The following ERICH3 variants were observed in gnomAD, a reference collection of about 807,000 sequenced individuals.
The protein encoded by ERICH3 is glutamate-rich protein 3.
A neutral mutation model predicts 131.1 loss-of-function variants in ERICH3; 126 were observed. The observed-to-expected ratio is 0.96, with a 90% CI of 0.83 to 1.11. The LOEUF is 1.11. Among genes scored for constraint, ERICH3 ranks in the 50% most tolerant of loss-of-function variants. The probability of loss-of-function intolerance (pLI) is 0.00; values close to 1 mark genes in which losing one functional copy is unlikely to be tolerated. For synonymous variants in ERICH3, 695 were observed against 644.6 expected (o/e 1.08, Z -1.18); for missense variants, 2,050 against 1,810.7 (o/e 1.13, Z -2.40).
intron 1 of ERICH3, among the ~76,000 whole-genome samples, chr1:74,652,871 T>C (rs770798528): frequency 6.6e-6 from 1 of 152,100 alleles, no homozygotes; most frequent in South Asian, 2.1e-4. Flanking sequence ...CATCCCCTGG[T>C]CACTAGGTGG....
At chr1:74,673,964 A>T (rs987659955), upstream of ERICH3, among the ~76,000 whole-genome samples, 1 of 152,106 alleles carries the variant, frequency 6.6e-6, no homozygotes, top group African/African-American at 2.4e-5. Context: ...AGGCACACCC[A>T]CACATTTTGG....
At chr1:74,614,483 T>C (rs1648862620) in intron 8 of ERICH3, among the ~76,000 whole-genome samples, 1 of 151,382 alleles carries the variant, frequency 6.6e-6, no homozygotes, top group Non-Finnish European at 1.5e-5. Flanking sequence ...GAGACCATCC[T>C]GGCTAACACG....
chr1:74,638,182 C>A (rs1646408432), intron 5 of ERICH3, among the ~76,000 whole-genome samples: 1 of 152,096 alleles, frequency 6.6e-6, no homozygotes, highest in African/African-American at 2.4e-5. Flanking sequence ...TACCAAAAAC[C>A]AGCCTTAGAA....
chr1:74,596,639 C>A (rs1408630764), intron 11 of ERICH3, among the ~76,000 whole-genome samples: 1 of 152,084 alleles, frequency 6.6e-6, no homozygotes, highest in East Asian at 1.9e-4. Context: ...ATCATCCAAA[C>A]TGTCCATAAA....
At chr1:74,613,575 A>G (rs1648806228) in intron 8 of ERICH3, among the ~76,000 whole-genome samples, 1 of 152,200 alleles carries the variant, frequency 6.6e-6, no homozygotes, top group Non-Finnish European at 1.5e-5. Flanking sequence ...AATATTCTAA[A>G]ACATACATGA....
Position 74,582,566 on chromosome 1 carries a change from A to G in ERICH3, c.2177-5630T>C, listed in dbSNP as rs1466121799. ...CCCTAAAAGTCGATTTATAGCCTTC[A>G]TATCACTTGCTGCTATGTTAATGTA... On this transcript the variant is annotated intron_variant, in intron 12 of 14. Coordinates refer to ENST00000326665, the MANE Select transcript of ERICH3 (RefSeq NM_001002912.5). 3.3e-5 allele frequency among the ~76,000 whole-genome samples: 5 copies of G among 152,196 alleles called. 1 individual carries two copies. The South Asian group carries it at 6.2e-4, about 19-fold the overall frequency.
Position 74,649,303 on chromosome 1 carries a change from T to G in ERICH3, c.36A>C (p.Ala12=). ...SHSHPAGLLA[A]YNSLMDKHLA... ...GGTGTTTATCCATAAGGCTATTATA[T>G]GCAGCAAGTAACCTAAAATACAAAA... The change falls in exon 2 of 15, where the codon GCA becomes GCC. Residue 12 remains alanine (A), a synonymous_variant. Transcript: ENST00000326665. 2 of 1,611,314 alleles carry G rather than the reference T, an allele frequency of 1.2e-6. No individual in the cohort carries two copies. Among genetic ancestry groups the G allele is most frequent in the African/African-American group, 1.3e-5 (1 of 74,910 alleles).
At chr1:74,590,973 TA>T (rs1255731035) in intron 11 of ERICH3, among the ~76,000 whole-genome samples, 1 of 152,170 alleles carries the variant, frequency 6.6e-6, no homozygotes, top group Non-Finnish European at 1.5e-5. Flanking sequence ...AAGCTTTTTT[TA>T]AAAAAATTTA....
chr1:74,631,762 C>T lies in ERICH3; in HGVS notation c.770G>A (p.Arg257Lys). The change falls in exon 7 of 15, where the codon AGA becomes AAA. Residue 257 changes from arginine to lysine, a missense_variant. Coordinates refer to ENST00000326665, the MANE Select transcript of ERICH3 (RefSeq NM_001002912.5). ...ATTTGGAGCAGTGGTTGGACGAAAT[C>T]TTCTCCTTCTCCATGTTTCAGATCT... Reference protein sequence around the residue: ...ENRSETWRRRRFRPTTAPNGL... With the variant: ...ENRSETWRRRKFRPTTAPNGL... 2 of 1,613,554 alleles carry T rather than the reference C, an allele frequency of 1.2e-6. No individual in the cohort carries two copies. The highest frequency in any genetic ancestry group is 1.1e-5 in the South Asian group (1 of 91,062).
chr1:74,590,791 C>T (rs1035494179), intron 11 of ERICH3, among the ~76,000 whole-genome samples: 1 of 152,092 alleles, frequency 6.6e-6, no homozygotes, highest in Non-Finnish European at 1.5e-5. Flanking sequence ...TAAGGAAAAC[C>T]TATCAAATCA....
chr1:74,606,079 C>T (rs1648379036), intron 10 of ERICH3, among the ~76,000 whole-genome samples: 1 of 150,636 alleles, frequency 6.6e-6, no homozygotes, highest in South Asian at 2.1e-4. Context: ...CAGTGGAAGG[C>T]AGGAGAGAGG....
At position 74,573,332 on chromosome 1, in the gene ERICH3, C is replaced by G. The variant is rs764527597; in HGVS notation, c.2378G>C (p.Gly793Ala). 1 of 1,609,236 alleles carries G rather than the reference C, an allele frequency of 6.2e-7. No individual in the cohort carries two copies. The highest frequency in any genetic ancestry group is 1.7e-5 in the Admixed American group (1 of 59,002). ...HRDADIVQGK[G>A]EAALWGEAGA... is the part of the protein sequence containing the mutation. ...TGCTTCTCCCCACAGTGCTGCCTCCCCTTTTCCCTGTACTATGTCAGCATC... is the reference window on the plus strand; with the variant it reads ...TGCTTCTCCCCACAGTGCTGCCTCCGCTTTTCCCTGTACTATGTCAGCATC... The change falls in exon 14 of 15, where the codon GGG (glycine) becomes GCG (alanine). Residue 793 changes from glycine to alanine, a missense_variant. Physicochemically the swap from Gly to Ala is moderately conservative, Grantham distance 60. Transcript: ENST00000326665.
At chr1:74,581,249 C>G (rs1441076597) in intron 12 of ERICH3, among the ~76,000 whole-genome samples, 1 of 152,080 alleles carries the variant, frequency 6.6e-6, no homozygotes, top group African/African-American at 2.4e-5. Flanking sequence ...TATCATATTT[C>G]TTTTTCATCT....
chr1:74,620,603 A>C, intron 8 of ERICH3, 131 bp downstream of exon 8: 1 of 703,310 alleles, frequency 1.4e-6, no homozygotes, highest in Non-Finnish European at 2.2e-6. Flanking sequence ...ACTTTTAGGC[A>C]GCTGGTTTAT....
chr1:74,589,927 T>A lies in ERICH3; in HGVS notation c.1880A>T (p.Asp627Val). 1 of 1,614,094 alleles carries A rather than the reference T, an allele frequency of 6.2e-7. No homozygotes were observed. Among genetic ancestry groups the A allele is most frequent in the Non-Finnish European group, 8.5e-7 (1 of 1,179,974 alleles). ...TGGAAGGTGAGACTTTCTTGGCTTA[T>A]CATTTTCACTCAGTTCCTGAGAAGA... ...RSSSQELSEN[D>V]KPRKSHLPIE... Residue 627 changes from aspartate to valine, a missense_variant, in exon 12 of 15, where the codon GAT (aspartate) becomes GTT (valine). Asp to Val is a radical substitution (Grantham distance 152). Transcript: ENST00000326665.
chr1:74,591,077 C>T (rs1162028782), intron 11 of ERICH3, among the ~76,000 whole-genome samples: 5 of 152,206 alleles, frequency 3.3e-5, no homozygotes, highest in Admixed American at 3.3e-4. Context: ...GGTATATGGA[C>T]ACAGTAAGAT....
intron 5 of ERICH3, 116 bp downstream of exon 5, chr1:74,641,215 C>T (rs1368107134): frequency 2.5e-6 from 3 of 1,179,796 alleles, no homozygotes; most frequent in Non-Finnish European, 3.6e-6. Flanking sequence ...TATTTTCATT[C>T]AGTAGGACTG....
chr1:74,666,442 G>T (rs140224539), intron 1 of ERICH3, among the ~76,000 whole-genome samples: 1 of 152,268 alleles, frequency 6.6e-6, no homozygotes, highest in African/African-American at 2.4e-5. Flanking sequence ...TACTGAAAGA[G>T]TCTCAGTAAG....
At chr1:74,644,001 A>C (rs1259237731) in intron 3 of ERICH3, among the ~76,000 whole-genome samples, 1 of 152,084 alleles carries the variant, frequency 6.6e-6, no homozygotes, top group Non-Finnish European at 1.5e-5. Context: ...TTTCCCCCCA[A>C]GTTTTTGTAA....
Sources: gnomAD v4.1 joint callset for allele counts (sites outside exome capture counted in the v4.1 genomes callset) on GRCh38, gnomAD v4.1.1 for gene constraint, MANE v1.5 for transcripts, NCBI Gene and HGNC (gene_info 2026-07-23, HGNC 2026-07-21) for gene names.